Variants in GDPD5 observed in about 807,000 individuals in gnomAD.
GDPD5 encodes the protein glycerophosphodiester phosphodiesterase 2.
GDPD5 carries 48 observed loss-of-function variants against 75.1 expected under a neutral mutation model. The observed-to-expected ratio is 0.64, with a 90% confidence interval of 0.51 to 0.81. GDPD5 has a LOEUF of 0.81. Among genes scored for constraint, GDPD5 ranks in the 40% least tolerant of loss-of-function variants. The pLI, the probability that GDPD5 is intolerant of heterozygous loss-of-function variation, is 0.00. For synonymous variants in GDPD5, 336 were observed against 339.0 expected, an observed-to-expected ratio of 0.99 and a Z score of 0.10; for missense variants, 706 against 822.6, an observed-to-expected ratio of 0.86 and a Z score of 1.73.
intron 6 of GDPD5, chr11:75,456,497 C>G (rs1449362420): frequency 3.7e-6 from 2 of 541,882 alleles, no homozygotes; most frequent in Admixed American, 6.2e-5. Flanking sequence ...ATCACTTAAC[C>G]TCTTTGTACT....
At position 75,443,681 on chromosome 11, in the gene GDPD5, C is replaced by T. The variant is rs180714020; in HGVS notation, c.798-395G>A. 7.9e-5 allele frequency among the ~76,000 whole-genome samples: 12 copies of T among 152,334 alleles called. No individual in the cohort carries two copies. In the East Asian group the frequency reaches 2.1e-3, roughly 27 times the overall value. On this transcript the variant is annotated intron_variant, in intron 10 of 16. Coordinates refer to ENST00000336898, the MANE Select transcript of GDPD5 (RefSeq NM_030792.8). ...TGGAACCCAGTTTGGAACCAAATCC[C>T]TGTGATGCTATGATGAGAACAGTGC... is the stretch of plus-strand genomic sequence containing the variant.
intron 6 of GDPD5, among the ~76,000 whole-genome samples, chr11:75,454,262 C>T (rs1054482455): frequency 2.6e-5 from 4 of 152,078 alleles, no homozygotes; most frequent in South Asian, 2.1e-4. Flanking sequence ...TGAAAAATGC[C>T]GAATCTAACT....
chr11:75,501,971 C>G (rs1350715595), intron 1 of GDPD5, among the ~76,000 whole-genome samples: 1 of 152,170 alleles, frequency 6.6e-6, no homozygotes, highest in Non-Finnish European at 1.5e-5. Flanking sequence ...CCCATCAGTC[C>G]TGACCTCTCC....
At chr11:75,473,840 G>T (rs1793415) in intron 3 of GDPD5, among the ~76,000 whole-genome samples, 2 of 151,990 alleles carry the variant, frequency 1.3e-5, no homozygotes, top group East Asian at 1.9e-4. Context: ...AGGCCAGCTC[G>T]GGCAAGCCTT....
intron 3 of GDPD5, among the ~76,000 whole-genome samples, chr11:75,474,103 G>A (rs1949731584): frequency 6.6e-6 from 1 of 152,212 alleles, no homozygotes; most frequent in Non-Finnish European, 1.5e-5. Context: ...GTGTGAGTGG[G>A]GTCAGTGCAG....
intron 3 of GDPD5, among the ~76,000 whole-genome samples, chr11:75,470,268 G>A (rs2135335005): frequency 6.6e-6 from 1 of 152,298 alleles, no homozygotes; most frequent in South Asian, 2.1e-4. Flanking sequence ...GCTTATAAAA[G>A]CTTTCCTTAT....
intron 1 of GDPD5, among the ~76,000 whole-genome samples, chr11:75,512,110 G>A (rs1284163506): frequency 6.6e-6 from 1 of 152,154 alleles, no homozygotes; most frequent in African/African-American, 2.4e-5. Flanking sequence ...ACAGATGGAT[G>A]GATGGATACA....
chr11:75,501,701 G>A (rs1950307819), intron 1 of GDPD5, among the ~76,000 whole-genome samples: 2 of 152,162 alleles, frequency 1.3e-5, no homozygotes, highest in African/African-American at 4.8e-5. Flanking sequence ...TGGGAGAGGA[G>A]AGGGTGAGAG....
chr11:75,439,784 G>A lies in GDPD5; in HGVS notation c.1556+95C>T, dbSNP rs1053800592. 11 of 1,009,834 alleles carry A rather than the reference G, an allele frequency of 1.1e-5. No homozygotes were observed. The Admixed American group carries it at 1.5e-4, about 13-fold the overall frequency. The allele number at this position is 1,009,834 out of a possible 1,614,324, so 62.6% of individuals were successfully genotyped here. A position where few individuals can be genotyped will look rare whatever the true frequency, so the allele number is the denominator to read the frequency against. Reference sequence around the variant, plus strand: ...CCTGGTCAGGCCTGCTCCTGGCTGAGGCCCAGGGCTCAGGAGAGGGTTCAC... The same window carrying A: ...CCTGGTCAGGCCTGCTCCTGGCTGAAGCCCAGGGCTCAGGAGAGGGTTCAC... On this transcript the variant is annotated intron_variant, in intron 15 of 16. Coordinates refer to ENST00000336898, the MANE Select transcript of GDPD5 (RefSeq NM_030792.8).
chr11:75,503,957 C>T (rs574072736), intron 1 of GDPD5, among the ~76,000 whole-genome samples: 23 of 152,190 alleles, frequency 1.5e-4, no homozygotes, highest in African/African-American at 3.6e-4. Context: ...ACAAGGCTTG[C>T]GGATCTCAGG....
At chr11:75,449,199 C>A in intron 8 of GDPD5, 77 bp from the exon 9 acceptor site, 2 of 1,496,990 alleles carry the variant, frequency 1.3e-6, no homozygotes, top group African/African-American at 1.4e-5. Flanking sequence ...CCTCTACCCC[C>A]GACCTGTCAG....
intron 1 of GDPD5, among the ~76,000 whole-genome samples, chr11:75,504,024 T>C (rs1052681600): frequency 1.3e-5 from 2 of 152,204 alleles, no homozygotes; most frequent in Non-Finnish European, 2.9e-5. Flanking sequence ...GGCATGGCCA[T>C]TGACTGGCTG....
intron 6 of GDPD5, chr11:75,455,081 G>T (rs1031056035): frequency 3.3e-6 from 1 of 306,444 alleles, no homozygotes; most frequent in African/African-American, 2.2e-5. Flanking sequence ...GCAGAGGAAG[G>T]CACCCTGGGA....
intron 4 of GDPD5, among the ~76,000 whole-genome samples, chr11:75,458,756 A>C (rs1307773290): frequency 1.3e-5 from 2 of 152,054 alleles, no homozygotes; most frequent in African/African-American, 4.8e-5. Context: ...GTGAGGTGAG[A>C]TGCATGGTAA....
intron 3 of GDPD5, among the ~76,000 whole-genome samples, chr11:75,466,560 G>A (rs941198818): frequency 1.4e-4 from 21 of 152,100 alleles, no homozygotes; most frequent in African/African-American, 4.3e-4. Context: ...TCAATGCCCC[G>A]GCCACGGCCC....
rs149014681 is a variant in GDPD5 at position 75,443,189 on chromosome 11, T to G, written c.895A>C (p.Met299Leu). The G allele has an allele frequency of 2.2e-4, 346 of 1,604,922 alleles. No individual in the cohort carries two copies. The highest frequency in any genetic ancestry group is 4.3e-5 in the Non-Finnish European group (50 of 1,176,368). ...CTCTGCAGGGTGGTCCAGTTAAGCA[T>G]GGAGGCAGGCCTGCGGGCCAGCTCC... ...FPELARRPAS[M>L]LNWTTLQRLN... is the part of the protein sequence containing the mutation. Residue 299 changes from methionine (M) to leucine (L), a missense_variant, in exon 11 of 17, where the codon ATG becomes CTG. Met to Leu is a conservative substitution (Grantham distance 15). Coordinates refer to ENST00000336898, the MANE Select transcript of GDPD5 (RefSeq NM_030792.8).
At chr11:75,463,592 C>G (rs1949460143) in intron 3 of GDPD5, among the ~76,000 whole-genome samples, 1 of 152,174 alleles carries the variant, frequency 6.6e-6, no homozygotes, top group South Asian at 2.1e-4. Flanking sequence ...TTGGAATATC[C>G]TGCATCCCGG....
chr11:75,474,971 C>A lies in GDPD5; in HGVS notation c.117+2648G>T, dbSNP rs936619499. ...CCCTAGTCTCCAGCAGTTTAGGCTG[C>A]AAATCTATCATCAGCCTGTGTGACT... is the stretch of plus-strand genomic sequence containing the variant. On this transcript the variant is annotated intron_variant, in intron 3 of 16. Coordinates refer to ENST00000336898, the MANE Select transcript of GDPD5 (RefSeq NM_030792.8). Among the ~76,000 whole-genome samples the A allele has an allele frequency of 1.3e-5, 2 of 152,244 alleles. 1 individual carries two copies.
chr11:75,522,857 A>G (rs1445333760), intron 1 of GDPD5, among the ~76,000 whole-genome samples: 1 of 152,098 alleles, frequency 6.6e-6, no homozygotes, highest in Non-Finnish European at 1.5e-5. Flanking sequence ...CACCAGCTCC[A>G]GGCACCACAG....
Sources: allele counts gnomAD v4.1 joint callset (sites outside exome capture counted in the v4.1 genomes callset), GRCh38; gene constraint gnomAD v4.1.1; transcripts MANE v1.5; gene names NCBI Gene and HGNC (gene_info 2026-07-23, HGNC 2026-07-21).